Variants in COL19A1 observed in about 807,000 individuals in gnomAD.
COL19A1 encodes the protein collagen type XIX alpha 1 chain.
A neutral mutation model predicts 190.2 loss-of-function variants in COL19A1; 159 were observed. The observed-to-expected ratio is 0.84, with a 90% CI of 0.73 to 0.95. The LOEUF (loss-of-function observed/expected upper bound fraction) is 0.95. COL19A1 is among the 40% of genes least tolerant of loss of function. The probability of loss-of-function intolerance (pLI) is 0.00; values close to 1 mark genes in which losing one functional copy is unlikely to be tolerated. For missense variants in COL19A1, 1,418 were observed against 1,431.9 expected (o/e 0.99, Z 0.16); for synonymous variants, 509 against 458.9 (o/e 1.11, Z -1.39).
At chr6:69,887,486 CCT>C in intron 2 of COL19A1, among the ~76,000 whole-genome samples, 1 of 152,070 alleles carries the variant, frequency 6.6e-6, no homozygotes, top group Non-Finnish European at 1.5e-5. Flanking sequence ...TATTTATACC[CCT>C]GTGTAACTAC....
intron 4 of COL19A1, among the ~76,000 whole-genome samples, chr6:69,921,400 A>ATC (rs1771827770): frequency 9.3e-6 from 1 of 107,014 alleles, no homozygotes; most frequent in Non-Finnish European, 1.7e-5. Flanking sequence ...TATATCATAT[A>ATC]TCATATATAT....
rs753052324 is a variant in COL19A1 at position 70,142,041 on chromosome 6, G to A, written c.1537G>A (p.Gly513Arg). ...TGTTTAGGGTGAACCTGGAGATCCC[G>A]GACCCCCTGGTTTAATAGGAAGCCC... is the stretch of plus-strand genomic sequence containing the variant. The part of the protein sequence containing the change: ...QGVKGEPGDP[G>R]PPGLIGSPGL... Residue 513 changes from glycine (G) to arginine (R), a missense_variant, in exon 22 of 51, where the codon GGA (glycine) becomes AGA (arginine). Gly to Arg is a moderately radical substitution (Grantham distance 125). Coordinates refer to ENST00000620364, the MANE Select transcript of COL19A1 (RefSeq NM_001858.6). 2.8e-5 allele frequency: 45 copies of A among 1,612,102 alleles called. No homozygotes were observed. The highest frequency in any genetic ancestry group is 4.5e-5 in the East Asian group (2 of 44,792).
At chr6:69,956,791 A>C (rs1345684023) in intron 9 of COL19A1, among the ~76,000 whole-genome samples, 1 of 152,070 alleles carries the variant, frequency 6.6e-6, no homozygotes, top group African/African-American at 2.4e-5. Context: ...GAACTAATGA[A>C]TGGGGAAGTA....
chr6:70,058,315 G>A (rs1042821429), intron 14 of COL19A1, among the ~76,000 whole-genome samples: 5 of 152,020 alleles, frequency 3.3e-5, no homozygotes, highest in African/African-American at 1.2e-4. Flanking sequence ...AGCACTATGT[G>A]TAACCTCTAA....
intron 48 of COL19A1, among the ~76,000 whole-genome samples, chr6:70,192,281 T>C (rs1380962463): frequency 1.3e-5 from 2 of 152,128 alleles, no homozygotes; most frequent in East Asian, 3.9e-4. Flanking sequence ...AAAATGTTTT[T>C]TTAAAGGTCG....
Position 69,950,094 on chromosome 6 carries a change from A to G in COL19A1, c.937-9902A>G, listed in dbSNP as rs1452045265. Among the ~76,000 whole-genome samples the G allele has an allele frequency of 1.3e-5, 2 of 151,930 alleles. 1 individual carries two copies. The highest frequency in any genetic ancestry group is 4.1e-4 in the South Asian group (2 of 4,832). ...TACTTCAATAAATTAAGTGATTTGC[A>G]TATAAATCACATTATTCTAAAATAA... On this transcript the variant is annotated intron_variant, in intron 9 of 50. Transcript: ENST00000620364.
chr6:70,053,936 G>C (rs750897352), intron 14 of COL19A1, among the ~76,000 whole-genome samples: 1 of 152,094 alleles, frequency 6.6e-6, no homozygotes, highest in Non-Finnish European at 1.5e-5. Flanking sequence ...AATATTTAAG[G>C]ATCCACTCTG....
intron 11 of COL19A1, among the ~76,000 whole-genome samples, chr6:69,980,602 T>C (rs995847498): frequency 6.6e-6 from 1 of 152,142 alleles, no homozygotes; most frequent in African/African-American, 2.4e-5. Flanking sequence ...TAGGAAATAA[T>C]TGTTCTGATA....
At chr6:70,092,153 A>G (rs1327865252) in intron 15 of COL19A1, among the ~76,000 whole-genome samples, 3 of 152,134 alleles carry the variant, frequency 2.0e-5, no homozygotes, top group Non-Finnish European at 4.4e-5. Context: ...CGAAGAGCGC[A>G]CACACGTCTA....
At position 70,130,232 on chromosome 6, in the gene COL19A1, A is replaced by ATTT; in HGVS notation, c.1383+19_1383+21dup. 1.5e-6 allele frequency: 2 copies of ATTT among 1,296,844 alleles called. No individual in the cohort carries two copies. The highest frequency in any genetic ancestry group is 2.1e-6 in the Non-Finnish European group (2 of 935,674). 80.3% of individuals were successfully genotyped at this position (1,296,844 alleles called of 1,614,324 possible). On this transcript the variant is annotated intron_variant, in intron 18 of 50. Coordinates refer to ENST00000620364, the MANE Select transcript of COL19A1 (RefSeq NM_001858.6). Reference sequence around the variant, plus strand: ...GCCTGAAAGGAGACAAGGTAATCAGATTTTTTTTTTTTAGATGGAGTCTTG... The same window carrying ATTT: ...GCCTGAAAGGAGACAAGGTAATCAGATTTTTTTTTTTTTTTAGATGGAGTCTTG...
chr6:69,917,373 A>G (rs1385749188), intron 4 of COL19A1, among the ~76,000 whole-genome samples: 2 of 152,180 alleles, frequency 1.3e-5, no homozygotes, highest in Non-Finnish European at 2.9e-5. Flanking sequence ...TTTTATGCTG[A>G]GCAACGTAAG....
chr6:69,867,710 C>G (rs1246927464), intron 1 of COL19A1: 1 of 152,580 alleles, frequency 6.6e-6, no homozygotes, highest in Non-Finnish European at 1.5e-5. Context: ...AGCTGGGGGA[C>G]AGGCGGGTGC....
At position 69,868,432 on chromosome 6, in the gene COL19A1, GA is replaced by G. The variant is rs1767616785; in HGVS notation, c.-33+1793del. Among the ~76,000 whole-genome samples the G allele has an allele frequency of 2.6e-5, 4 of 152,270 alleles. No individual in the cohort carries two copies. The South Asian group carries it at 8.3e-4, about 32-fold the overall frequency. ...AGGAATATCTCTTCAGGATGAAAAAGAGGAGGGTGACCCCCAGAGGCAGAAA... is the reference window on the plus strand; with the variant it reads ...AGGAATATCTCTTCAGGATGAAAAAGGGAGGGTGACCCCCAGAGGCAGAAA... On this transcript the variant is annotated intron_variant, in intron 1 of 50. Transcript: ENST00000620364.
At chr6:70,006,933 A>G (rs1234397529) in intron 11 of COL19A1, among the ~76,000 whole-genome samples, 1 of 152,094 alleles carries the variant, frequency 6.6e-6, no homozygotes, top group Non-Finnish European at 1.5e-5. Flanking sequence ...AAAAATTTCA[A>G]AAAAAGCTAA....
intron 15 of COL19A1, among the ~76,000 whole-genome samples, chr6:70,094,445 G>A (rs1783117143): frequency 6.6e-6 from 1 of 152,154 alleles, no homozygotes; most frequent in Admixed American, 6.6e-5. Flanking sequence ...GAAGTCAGCT[G>A]AATTACCGTG....
chr6:70,130,858 C>G (rs976995701), intron 18 of COL19A1, among the ~76,000 whole-genome samples: 2 of 152,056 alleles, frequency 1.3e-5, no homozygotes, highest in Non-Finnish European at 2.9e-5. Context: ...ATCTGAAGAC[C>G]CCTTTGGCAA....
chr6:70,135,665 G>A (rs931759919), intron 18 of COL19A1, among the ~76,000 whole-genome samples: 8 of 152,162 alleles, frequency 5.3e-5, no homozygotes, highest in African/African-American at 1.4e-4. Flanking sequence ...CAAAGAGACC[G>A]GAATTGGGCT....
At chr6:69,971,925 G>T (rs915302453) in intron 11 of COL19A1, among the ~76,000 whole-genome samples, 3 of 152,028 alleles carry the variant, frequency 2.0e-5, no homozygotes, top group Non-Finnish European at 4.4e-5. Flanking sequence ...TATTCATGTG[G>T]CTTCTATTTT....
chr6:70,116,037 A>G (rs969103981), intron 16 of COL19A1, among the ~76,000 whole-genome samples: 2 of 152,010 alleles, frequency 1.3e-5, no homozygotes, highest in African/African-American at 4.8e-5. Context: ...AAAGAAATTG[A>G]GTCCCCCAAT....
Sources: allele counts gnomAD v4.1 joint callset (sites outside exome capture counted in the v4.1 genomes callset), GRCh38; gene constraint gnomAD v4.1.1; transcripts MANE v1.5; gene names NCBI Gene and HGNC (gene_info 2026-07-23, HGNC 2026-07-21).